TNRC6B: variants seen among roughly 807,000 people sequenced by gnomAD.
The protein encoded by TNRC6B is trinucleotide repeat containing adaptor 6B.
A neutral mutation model predicts 203.6 loss-of-function variants in TNRC6B; 52 were observed. That is an observed-to-expected ratio of 0.26 (90% CI 0.20 to 0.32). TNRC6B has a LOEUF of 0.32. Ranked by LOEUF, TNRC6B falls within the 10% of genes least tolerant of loss-of-function variation. The pLI, the probability that TNRC6B is intolerant of heterozygous loss-of-function variation, is 1.00. For missense variants in TNRC6B, 1,923 were observed against 2,286.2 expected, an observed-to-expected ratio of 0.84 and a Z score of 3.24; for synonymous variants, 838 against 845.7, an observed-to-expected ratio of 0.99 and a Z score of 0.16.
At chr22:40,177,138 G>A (rs761641324), upstream of TNRC6B, among the ~76,000 whole-genome samples, 9 of 152,156 alleles carry the variant, frequency 5.9e-5, no homozygotes, top group Non-Finnish European at 1.0e-4. Context: ...ATTAGGAGTG[G>A]TGGAAACCAG....
Position 40,266,857 on chromosome 22 carries a change from A to C in TNRC6B, c.2627A>C (p.Glu876Ala). The change falls in exon 5 of 23, where the codon GAA becomes GCA. Residue 876 changes from glutamate (E) to alanine (A), a missense_variant. Glu to Ala is a moderately radical substitution (Grantham distance 107). Around this residue, in one of 8 missense-constraint regions of TNRC6B, gnomAD observed 599 missense variants for 656.5 expected, o/e 0.91. Coordinates refer to ENST00000454349, the MANE Select transcript of TNRC6B (RefSeq NM_001162501.2). ...TPKDEEPSGW[E>A]EPSPQSISRK... ...AAGGATGAGGAACCCAGTGGTTGGG[A>C]AGAGCCATCCCCACAGTCAATTAGT... is the stretch of plus-strand genomic sequence containing the variant. 1 of 1,614,018 alleles carries C rather than the reference A, an allele frequency of 6.2e-7. No individual in the cohort carries two copies. The highest frequency in any genetic ancestry group is 8.5e-7 in the Non-Finnish European group (1 of 1,179,878).
At chr22:40,221,751 G>GCC (rs1239327384) in intron 1 of TNRC6B, among the ~76,000 whole-genome samples, 1,634 of 112,672 alleles carry the variant, frequency 0.015, 41 homozygotes, top group South Asian at 0.022. Flanking sequence ...CCTTCTTATT[G>GCC]CCCCCCCCCC....
intron 3 of TNRC6B, among the ~76,000 whole-genome samples, chr22:40,254,876 G>A (rs1291690984): frequency 6.6e-6 from 1 of 152,128 alleles, no homozygotes; most frequent in Non-Finnish European, 1.5e-5. Context: ...AACAGAGCGA[G>A]ACTCTGTCTC....
At chr22:40,234,424 A>C (rs567360797) in intron 1 of TNRC6B, among the ~76,000 whole-genome samples, 2 of 152,346 alleles carry the variant, frequency 1.3e-5, no homozygotes, top group East Asian at 3.9e-4. Flanking sequence ...GAAAAGAAAC[A>C]ACCAAGTGCA....
At position 40,237,508 on chromosome 22, in the gene TNRC6B, G is replaced by A. The variant is rs138426448; in HGVS notation, c.6-8507G>A. 1.1e-4 allele frequency among the ~76,000 whole-genome samples: 17 copies of A among 152,300 alleles called. No individual in the cohort carries two copies. The East Asian group carries it at 2.7e-3, about 24-fold the overall frequency. ...CGGCGGAAGGGAAACTTGCAGCCAC[G>A]GTGCCCAGTTCTTCTGGTGTAGATG... On this transcript the variant is annotated intron_variant, in intron 1 of 22. Transcript: ENST00000454349.
At chr22:40,133,807 G>GA (rs1472791547) in intron 3 of TNRC6B, among the ~76,000 whole-genome samples, 1 of 151,132 alleles carries the variant, frequency 6.6e-6, no homozygotes, top group African/African-American at 2.4e-5. Flanking sequence ...TGTCTCTACT[G>GA]AAAATACAAA....
chr22:40,144,382 A>C (rs1423552100), intron 3 of TNRC6B, among the ~76,000 whole-genome samples: 1 of 152,220 alleles, frequency 6.6e-6, no homozygotes, highest in Non-Finnish European at 1.5e-5. Flanking sequence ...TAAGTTTAAA[A>C]ATTGAACTCT....
chr22:40,131,638 T>C (rs2068546031), intron 3 of TNRC6B, among the ~76,000 whole-genome samples: 1 of 152,216 alleles, frequency 6.6e-6, no homozygotes, highest in Non-Finnish European at 1.5e-5. Context: ...TAAACTATTA[T>C]TTATTCTTTG....
chr22:40,060,195 CAT>C (rs563891925), intron 1 of TNRC6B, among the ~76,000 whole-genome samples: 69 of 141,480 alleles, frequency 4.9e-4, no homozygotes, highest in East Asian at 8.1e-4. Flanking sequence ...AAAAAATGCA[CAT>C]GACTTTTTTT....
intron 1 of TNRC6B, among the ~76,000 whole-genome samples, chr22:40,056,187 A>G (rs2146266901): frequency 6.6e-6 from 1 of 152,300 alleles, no homozygotes; most frequent in African/African-American, 2.4e-5. Context: ...CAGTTGCAGG[A>G]TGTCCATACC....
Position 40,310,977 on chromosome 22 carries a change from T to C in TNRC6B, c.4419T>C (p.Asn1473=). 1 of 1,607,806 alleles carries C rather than the reference T, an allele frequency of 6.2e-7. No homozygotes were observed. The highest frequency in any genetic ancestry group is 8.5e-7 in the Non-Finnish European group (1 of 1,177,854). The part of the protein sequence containing the change: ...PTNKIGSKSS[N]ASWPPEFQPG... ...ATAAAATCGGAAGTAAATCCAGCAA[T>C]GCCAGTTGGCCTCCAGGTATTGTCT... The change falls in exon 17 of 23, where the codon AAT becomes AAC. Residue 1473 remains asparagine, a synonymous_variant. Transcript: ENST00000454349.
chr22:40,178,595 C>G (rs2069095341), intron 1 of TNRC6B, among the ~76,000 whole-genome samples: 1 of 152,132 alleles, frequency 6.6e-6, no homozygotes, highest in Non-Finnish European at 1.5e-5. Flanking sequence ...AAGCCTTTTT[C>G]TATCTTTTTA....
chr22:40,070,908 G>T lies in TNRC6B; in HGVS notation c.-121+25910G>T, dbSNP rs562360843. 8.9e-4 allele frequency among the ~76,000 whole-genome samples: 136 copies of T among 152,224 alleles called. 1 individual carries two copies. Among genetic ancestry groups the T allele is most frequent in the South Asian group, 2.3e-3 (11 of 4,832 alleles). On this transcript the variant is annotated intron_variant, in intron 1 of 23. Coordinates refer to the TNRC6B transcript ENST00000301923. The stretch of plus-strand genomic sequence containing the variant: ...GCCAAAGCTATGACTAAAGTCTAAA[G>T]TGGGTAGACTATAAATAGTTTCATG...
At position 40,166,097 on chromosome 22, in the gene TNRC6B, C is replaced by T. The variant is rs190586802; in HGVS notation, c.113+9915C>T. On this transcript the variant is annotated intron_variant, in intron 4 of 23. Coordinates refer to the TNRC6B transcript ENST00000301923. The stretch of plus-strand genomic sequence containing the variant: ...GCATATTTTCAAAAGAACTTCTGCT[C>T]CTGCCAGGGGCTCTCCTGAAGGTCT... Among the ~76,000 whole-genome samples, 11 of 152,256 alleles carry T rather than the reference C, an allele frequency of 7.2e-5. No individual in the cohort carries two copies. In the East Asian group the frequency reaches 1.7e-3, roughly 24 times the overall value.
rs142740135 is a variant in TNRC6B at position 40,327,886 on chromosome 22, C to G, written c.*4645C>G. On this transcript the variant is annotated 3_prime_UTR_variant, in exon 23 of 23. Transcript: ENST00000454349. ...AACTACTTTTTAAAACACTTGATTA[C>G]TAGTGGCTTAGAGGTGTGTACATCT... is the stretch of plus-strand genomic sequence containing the variant. The G allele has an allele frequency of 9.6e-4, 146 of 151,412 alleles. No homozygotes were observed. The highest frequency in any genetic ancestry group is 3.4e-3 in the Middle Eastern group (1 of 294). 9.4% of individuals were successfully genotyped at this position (151,412 alleles called of 1,614,324 possible). A position where few individuals can be genotyped will look rare whatever the true frequency, so the allele number is the denominator to read the frequency against.
chr22:40,278,429 G>A (rs1012692111), intron 9 of TNRC6B, among the ~76,000 whole-genome samples: 3 of 151,892 alleles, frequency 2.0e-5, no homozygotes, highest in Non-Finnish European at 2.9e-5. Flanking sequence ...ATGGTGTGGC[G>A]CACCTGTAGT....
intron 12 of TNRC6B, among the ~76,000 whole-genome samples, chr22:40,293,397 T>C (rs1231419965): frequency 6.6e-6 from 1 of 152,030 alleles, no homozygotes; most frequent in Non-Finnish European, 1.5e-5. Flanking sequence ...TTTCACATGT[T>C]GGCCAGTCTG....
chr22:40,124,991 C>T (rs997284496), intron 2 of TNRC6B, among the ~76,000 whole-genome samples: 11 of 149,794 alleles, frequency 7.3e-5, no homozygotes, highest in South Asian at 2.1e-4. Context: ...GCAGCCTGGG[C>T]GACACAGCAA....
chr22:40,268,777 T>G (rs1279349166), intron 5 of TNRC6B, among the ~76,000 whole-genome samples: 1 of 151,886 alleles, frequency 6.6e-6, no homozygotes, highest in Non-Finnish European at 1.5e-5. Flanking sequence ...CCAGGCGTGG[T>G]GGCGGGCACC....
Sources: allele counts gnomAD v4.1 joint callset (sites outside exome capture counted in the v4.1 genomes callset), GRCh38; gene constraint gnomAD v4.1.1; regional missense constraint gnomAD v4.1.1; transcripts MANE v1.5; gene names NCBI Gene and HGNC (gene_info 2026-07-23, HGNC 2026-07-21).